SPAG9: variants seen among roughly 807,000 people sequenced by gnomAD.
SPAG9 encodes the protein sperm associated antigen 9.
SPAG9 carries 35 observed loss-of-function variants against 166.5 expected under a neutral mutation model. The observed-to-expected ratio is 0.21, with a 90% CI of 0.16 to 0.28. SPAG9 has a LOEUF of 0.28. Ranked by LOEUF, SPAG9 falls within the 10% of genes least tolerant of loss-of-function variation. The probability of loss-of-function intolerance (pLI) is 1.00; values close to 1 mark genes in which losing one functional copy is unlikely to be tolerated. For missense variants in SPAG9, 1,235 were observed against 1,603.3 expected (o/e 0.77, Z 3.92); for synonymous variants, 534 against 565.5 (o/e 0.94, Z 0.79).
chr17:51,089,151 C>T (rs2048379931), intron 1 of SPAG9, among the ~76,000 whole-genome samples: 1 of 151,422 alleles, frequency 6.6e-6, no homozygotes, highest in Admixed American at 6.6e-5. Flanking sequence ...GGGCCAGGCA[C>T]GGTGGCTCAT....
At chr17:51,009,488 C>G (rs2045371659) in intron 9 of SPAG9, among the ~76,000 whole-genome samples, 1 of 152,126 alleles carries the variant, frequency 6.6e-6, no homozygotes, top group Non-Finnish European at 1.5e-5. Context: ...ACCGTATGAT[C>G]CATATATTAT....
Position 50,990,403 on chromosome 17 carries a change from G to A in SPAG9, c.2617+47C>T, listed in dbSNP as rs540059454. 8 of 1,359,922 alleles carry A rather than the reference G, an allele frequency of 5.9e-6. No homozygotes were observed. In the East Asian group the frequency reaches 6.9e-5, roughly 12 times the overall value. 84.2% of individuals were successfully genotyped at this position (1,359,922 alleles called of 1,614,324 possible). On this transcript the variant is annotated intron_variant, in intron 20 of 29. Coordinates refer to ENST00000262013, the MANE Select transcript of SPAG9 (RefSeq NM_001130528.3). ...TAAGTCCATAATGAGGCATCTGAGT[G>A]TAGCCTTAGACTCTATACAGATGGC...
At position 51,005,273 on chromosome 17, in the gene SPAG9, A is replaced by G; in HGVS notation, c.1425-10T>C. 1.2e-6 allele frequency: 2 copies of G among 1,612,976 alleles called. No individual in the cohort carries two copies. Among genetic ancestry groups the G allele is most frequent in the Middle Eastern group, 1.7e-4 (1 of 6,060 alleles). On this transcript the variant is annotated splice_polypyrimidine_tract_variant and intron_variant, in intron 11 of 29. Transcript: ENST00000262013. Reference sequence around the variant, plus strand: ...AGCTTCTGCCCGAGCTCTAGTGGGGAAAAAACAAAACAAAACATGTTATTT... The same window carrying G: ...AGCTTCTGCCCGAGCTCTAGTGGGGGAAAAACAAAACAAAACATGTTATTT...
intron 4 of SPAG9, 50 bp downstream of exon 4, chr17:51,047,325 A>G (rs766391385): frequency 9.9e-7 from 1 of 1,009,920 alleles, no homozygotes; most frequent in Admixed American, 2.3e-5. Flanking sequence ...AGAAACAAAC[A>G]TATTATTTAT....
intron 27 of SPAG9, chr17:50,975,963 T>A: frequency 7.8e-7 from 1 of 1,275,708 alleles, no homozygotes; most frequent in Non-Finnish European, 1.1e-6. Context: ...AGAGAATTAC[T>A]GTGAGCCACC....
At chr17:51,056,559 G>C (rs1231046991) in intron 2 of SPAG9, 77 bp from the exon 3 acceptor site, 1 of 891,648 alleles carries the variant, frequency 1.1e-6, no homozygotes, top group African/African-American at 1.7e-5. Flanking sequence ...GACTCAGAAT[G>C]GGCTATCCAT....
intron 9 of SPAG9, among the ~76,000 whole-genome samples, chr17:51,012,307 C>T (rs2045518319): frequency 1.3e-5 from 2 of 152,116 alleles, no homozygotes; most frequent in South Asian, 4.1e-4. Flanking sequence ...CATGGTGGCT[C>T]ATGCCTGTAA....
At chr17:51,020,848 C>T (rs1265263481) in intron 7 of SPAG9, among the ~76,000 whole-genome samples, 4 of 152,122 alleles carry the variant, frequency 2.6e-5, no homozygotes, top group Non-Finnish European at 5.9e-5. Flanking sequence ...CTCCCATATA[C>T]TTTAAATCAT....
intron 1 of SPAG9, among the ~76,000 whole-genome samples, chr17:51,088,727 G>A (rs1415633079): frequency 1.3e-5 from 2 of 152,026 alleles, no homozygotes; most frequent in African/African-American, 2.4e-5. Context: ...GAACTTGGTC[G>A]GCAGAGCTTG....
intron 2 of SPAG9, among the ~76,000 whole-genome samples, chr17:51,073,146 T>C (rs557135443): frequency 2.6e-5 from 4 of 152,074 alleles, no homozygotes; most frequent in African/African-American, 9.6e-5. Context: ...GCTAACACGG[T>C]GAAACCCCAT....
At chr17:51,101,254 G>A (rs986467063) in intron 1 of SPAG9, among the ~76,000 whole-genome samples, 16 of 149,360 alleles carry the variant, frequency 1.1e-4, no homozygotes, top group Admixed American at 2.0e-4. Flanking sequence ...GCTGAGGCAG[G>A]AGAATTGCTC....
chr17:51,061,508 G>C (rs2047514103), intron 2 of SPAG9, among the ~76,000 whole-genome samples: 1 of 150,864 alleles, frequency 6.6e-6, no homozygotes, highest in Non-Finnish European at 1.5e-5. Context: ...TACTCAGAAG[G>C]CTGAGGCAGG....
chr17:51,109,282 G>T (rs897904250), intron 1 of SPAG9, among the ~76,000 whole-genome samples: 1 of 151,690 alleles, frequency 6.6e-6, no homozygotes, highest in African/African-American at 2.4e-5. Flanking sequence ...TGTCGCCTAG[G>T]CTGGAGTGCC....
chr17:51,080,477 G>A (rs933263546), intron 1 of SPAG9, among the ~76,000 whole-genome samples: 26 of 152,032 alleles, frequency 1.7e-4, no homozygotes, highest in Admixed American at 1.3e-3. Context: ...GTTTCATGGC[G>A]TTAAGTACGA....
At chr17:51,084,838 C>G (rs2048264139) in intron 1 of SPAG9, among the ~76,000 whole-genome samples, 1 of 151,196 alleles carries the variant, frequency 6.6e-6, no homozygotes, top group Non-Finnish European at 1.5e-5. Context: ...AATTTTACCA[C>G]TATTTTGCTT....
At chr17:51,091,433 C>T (rs957781946) in intron 1 of SPAG9, among the ~76,000 whole-genome samples, 5 of 152,074 alleles carry the variant, frequency 3.3e-5, no homozygotes, top group African/African-American at 1.2e-4. Context: ...AGGGTTAGGC[C>T]AACAGCAAAA....
At chr17:51,010,406 G>C (rs769185533) in intron 9 of SPAG9, among the ~76,000 whole-genome samples, 1 of 151,970 alleles carries the variant, frequency 6.6e-6, no homozygotes, top group Non-Finnish European at 1.5e-5. Flanking sequence ...TGAGCTTATA[G>C]TCTGTCCAGG....
At chr17:50,993,970 A>G (rs1597937229) in intron 18 of SPAG9, 35 bp from the exon 19 acceptor site, 1 of 1,565,516 alleles carries the variant, frequency 6.4e-7, no homozygotes. Flanking sequence ...GTTTAAAACA[A>G]TATGTATGTA....
chr17:51,040,927 G>A (rs1162387615), intron 5 of SPAG9, among the ~76,000 whole-genome samples: 1 of 152,028 alleles, frequency 6.6e-6, no homozygotes, highest in Non-Finnish European at 1.5e-5. Context: ...TTAATTATTA[G>A]CTTATATCCA....
Sources: gnomAD v4.1 joint callset for allele counts (sites outside exome capture counted in the v4.1 genomes callset) on GRCh38, gnomAD v4.1.1 for gene constraint, MANE v1.5 for transcripts, NCBI Gene and HGNC (gene_info 2026-07-23, HGNC 2026-07-21) for gene names.